Variants in SNTG2 observed in about 807,000 individuals in gnomAD.
The protein encoded by SNTG2 is syntrophin gamma 2.
A neutral mutation model predicts 70.9 loss-of-function variants in SNTG2; 74 were observed. That is an observed-to-expected ratio of 1.04 (90% CI 0.86 to 1.27). The LOEUF is 1.27. SNTG2 is among the 50% of genes most tolerant of loss of function. The pLI, the probability that SNTG2 is intolerant of heterozygous loss-of-function variation, is 0.00. For synonymous variants in SNTG2, 278 were observed against 273.8 expected, an observed-to-expected ratio of 1.02 and a Z score of -0.15; for missense variants, 717 against 690.7, an observed-to-expected ratio of 1.04 and a Z score of -0.43.
In SNTG2 at chr2:1,084,665, G is replaced by A. The variant is rs372086246; in HGVS notation, c.210+1010G>A. On this transcript the variant is annotated intron_variant, in intron 2 of 16. Transcript: ENST00000308624. ...TGCTGTAACAAAATCCCCAAGCTGG[G>A]TAATTTACAAAGAACAGAAATGCAT... is the stretch of plus-strand genomic sequence containing the variant. Among the ~76,000 whole-genome samples the A allele has an allele frequency of 2.4e-3, 360 of 152,310 alleles. 1 individual carries two copies. Among genetic ancestry groups the A allele is most frequent in the African/African-American group, 8.3e-3 (344 of 41,572 alleles).
intron 1 of SNTG2, among the ~76,000 whole-genome samples, chr2:962,419 C>T (rs565179166): frequency 3.7e-4 from 57 of 152,296 alleles, no homozygotes; most frequent in African/African-American, 9.9e-4. Context: ...TTTGTGGTGA[C>T]GGTTCTGGAT....
chr2:1,074,256 A>G lies in SNTG2; in HGVS notation c.73-9262A>G, dbSNP rs376576735. Among the ~76,000 whole-genome samples, 20 of 152,280 alleles carry G rather than the reference A, an allele frequency of 1.3e-4. 1 individual carries two copies. Among genetic ancestry groups the G allele is most frequent in the African/African-American group, 4.6e-4 (19 of 41,542 alleles). Reference sequence around the variant, plus strand: ...AGACATGCCCTGCTCAGGGGTAGGAACACTGCCAAGTAGCCCTTTTCAGAC... The same window carrying G: ...AGACATGCCCTGCTCAGGGGTAGGAGCACTGCCAAGTAGCCCTTTTCAGAC... On this transcript the variant is annotated intron_variant, in intron 1 of 16. Transcript: ENST00000308624.
chr2:1,320,602 T>C (rs1190906017), intron 16 of SNTG2, among the ~76,000 whole-genome samples: 1 of 150,712 alleles, frequency 6.6e-6, no homozygotes, highest in Non-Finnish European at 1.5e-5. Context: ...TTCAAGACTG[T>C]AGGATGATTT....
chr2:1,127,869 G>T lies in SNTG2; in HGVS notation c.326-9753G>T, dbSNP rs532543644. On this transcript the variant is annotated intron_variant, in intron 4 of 16. Transcript: ENST00000308624. ...AAGAGTTTTTTGGTAGAACCTTTAG[G>T]TTTTTCTATACAAGATCATGTCATC... Among the ~76,000 whole-genome samples, 174 of 152,134 alleles carry T rather than the reference G, an allele frequency of 1.1e-3. 2 individuals are homozygous for T. The highest frequency in any genetic ancestry group is 1.2e-3 in the Non-Finnish European group (80 of 67,976).
chr2:1,018,288 C>T (rs539338932), intron 1 of SNTG2, among the ~76,000 whole-genome samples: 1 of 152,276 alleles, frequency 6.6e-6, no homozygotes, highest in South Asian at 2.1e-4. Flanking sequence ...AGTGAGGAGA[C>T]AAGCAGCCCT....
Position 1,145,503 on chromosome 2 carries a change from A to G in SNTG2, c.411+7694A>G, listed in dbSNP as rs116487569. Among the ~76,000 whole-genome samples the G allele has an allele frequency of 8.7e-3, 1,327 of 152,332 alleles. 23 individuals carry two copies. Among genetic ancestry groups the G allele is most frequent in the African/African-American group, 0.03 (1,232 of 41,560 alleles). ...TAAAAAACACAATCTGCAAAAACTT[A>G]CACAATAAAATGCAGTCTAGATTGG... On this transcript the variant is annotated intron_variant, in intron 6 of 16. Coordinates refer to ENST00000308624, the MANE Select transcript of SNTG2 (RefSeq NM_018968.4).
intron 1 of SNTG2, among the ~76,000 whole-genome samples, chr2:1,028,652 A>G (rs1660635698): frequency 6.6e-6 from 1 of 150,744 alleles, no homozygotes; most frequent in African/African-American, 2.4e-5. Flanking sequence ...ACTCGAAAAG[A>G]CTCTGGGTCT....
At chr2:1,138,388 C>T (rs1668533883) in intron 6 of SNTG2, among the ~76,000 whole-genome samples, 1 of 152,154 alleles carries the variant, frequency 6.6e-6, no homozygotes, top group Non-Finnish European at 1.5e-5. Context: ...GCGGATGAAA[C>T]AGACGTCTAT....
chr2:1,245,222 G>GTAAC (rs1677350736), intron 11 of SNTG2, among the ~76,000 whole-genome samples: 1 of 151,068 alleles, frequency 6.6e-6, no homozygotes, highest in African/African-American at 2.4e-5. Flanking sequence ...GTATACATAT[G>GTAAC]TAACCTGCAC....
intron 14 of SNTG2, among the ~76,000 whole-genome samples, chr2:1,297,047 A>AG (rs1680248141): frequency 6.6e-6 from 1 of 152,180 alleles, no homozygotes; most frequent in Non-Finnish European, 1.5e-5. Flanking sequence ...GGGATGTTTC[A>AG]GGGGCATGTC....
At chr2:1,189,515 G>A (rs181546662) in intron 8 of SNTG2, among the ~76,000 whole-genome samples, 9 of 151,972 alleles carry the variant, frequency 5.9e-5, no homozygotes, top group Admixed American at 2.6e-4. Context: ...TCAGGATCAC[G>A]TGAAATGACC....
intron 8 of SNTG2, among the ~76,000 whole-genome samples, chr2:1,205,335 C>A (rs1032216829): frequency 6.6e-6 from 1 of 152,098 alleles, no homozygotes; most frequent in Non-Finnish European, 1.5e-5. Flanking sequence ...CAATTTTTCT[C>A]GAGTTTTCAA....
chr2:1,122,412 A>T (rs1315357516), intron 4 of SNTG2, among the ~76,000 whole-genome samples: 1 of 152,168 alleles, frequency 6.6e-6, no homozygotes, highest in Non-Finnish European at 1.5e-5. Flanking sequence ...ACATGTCATG[A>T]CCAAGTAGGA....
At chr2:1,171,284 A>T (rs978873214) in intron 7 of SNTG2, among the ~76,000 whole-genome samples, 30 of 152,202 alleles carry the variant, frequency 2.0e-4, no homozygotes, top group Admixed American at 1.3e-4. Context: ...GTGACTGTCA[A>T]ATGTAAATTT....
Position 1,234,782 on chromosome 2 carries a change from A to G in SNTG2, c.720-3106A>G, listed in dbSNP as rs574693336. On this transcript the variant is annotated intron_variant, in intron 9 of 16. Coordinates refer to ENST00000308624, the MANE Select transcript of SNTG2 (RefSeq NM_018968.4). ...AGGGTCCTTCATGGAGCCTGGGTCC[A>G]CTGTCTCTACTCACATCTTATTCCT... Among the ~76,000 whole-genome samples the G allele has an allele frequency of 6.8e-5, 9 of 132,784 alleles. No individual in the cohort carries two copies. In the South Asian group the frequency reaches 7.5e-4, roughly 11 times the overall value. The allele number at this position is 132,784 out of a possible 152,430, so 87.1% of individuals were successfully genotyped here.
At chr2:1,350,750 T>C (rs112826871) in intron 16 of SNTG2, among the ~76,000 whole-genome samples, 2,115 of 152,040 alleles carry the variant, frequency 0.014, 49 homozygotes, top group African/African-American at 0.046. Flanking sequence ...AAAAAAGATA[T>C]ATGAAGTTTT....
intron 15 of SNTG2, among the ~76,000 whole-genome samples, chr2:1,314,751 C>T (rs1681188604): frequency 6.6e-6 from 1 of 152,176 alleles, no homozygotes; most frequent in Non-Finnish European, 1.5e-5. Flanking sequence ...GTTGAATGGA[C>T]TCAGTTCCAC....
chr2:1,271,299 A>G (rs568802776), intron 14 of SNTG2, among the ~76,000 whole-genome samples: 1 of 152,098 alleles, frequency 6.6e-6, no homozygotes, highest in South Asian at 2.1e-4. Context: ...ACTCAAGTAT[A>G]TTTTTTCCTT....
At chr2:1,238,761 A>G (rs931073284) in intron 10 of SNTG2, among the ~76,000 whole-genome samples, 3 of 152,170 alleles carry the variant, frequency 2.0e-5, no homozygotes, top group African/African-American at 7.2e-5. Context: ...CTGTAATTGC[A>G]CTTCGATCCC....
Sources: allele counts gnomAD v4.1 joint callset (sites outside exome capture counted in the v4.1 genomes callset), GRCh38; gene constraint gnomAD v4.1.1; transcripts MANE v1.5; gene names NCBI Gene and HGNC (gene_info 2026-07-23, HGNC 2026-07-21).